Variants in WDR62 observed in about 807,000 individuals in gnomAD.
WDR62 encodes the protein WD repeat domain 62.
In WDR62, 112 loss-of-function variants were observed where a neutral mutation model predicts 160.6. That is an observed-to-expected ratio of 0.70 (90% confidence interval 0.60 to 0.82). WDR62 has a LOEUF of 0.82. Among genes scored for constraint, WDR62 ranks in the 40% least tolerant of loss-of-function variants. The pLI is 0.00. For missense variants in WDR62, 1,819 were observed against 1,983.8 expected (o/e 0.92, Z 1.58); for synonymous variants, 792 against 815.1 (o/e 0.97, Z 0.48).
rs1440043209 is a variant in WDR62 at position 36,054,969 on chromosome 19, A to G, written c.-3A>G. On this transcript the variant is annotated 5_prime_UTR_variant, in exon 1 of 32. Coordinates refer to ENST00000401500, the MANE Select transcript of WDR62 (RefSeq NM_001083961.2). The stretch of plus-strand genomic sequence containing the variant: ...GTAACGGTCGCCCGCCTCCGGCGTG[A>G]CGATGGCGGCCGTAGGGTCCGGAGG... 3.1e-6 allele frequency: 5 copies of G among 1,594,648 alleles called. No individual in the cohort carries two copies. Among genetic ancestry groups the G allele is most frequent in the Non-Finnish European group, 3.4e-6 (4 of 1,172,288 alleles).
intron 22 of WDR62, 75 bp downstream of exon 22, chr19:36,099,692 C>A: frequency 7.0e-7 from 1 of 1,434,970 alleles, no homozygotes; most frequent in Non-Finnish European, 9.7e-7. Context: ...CTTAGGCTGA[C>A]TCCCACTCCA....
At chr19:36,098,275 A>AG (rs1973097273) in intron 21 of WDR62, among the ~76,000 whole-genome samples, 1 of 151,998 alleles carries the variant, frequency 6.6e-6, no homozygotes, top group Non-Finnish European at 1.5e-5. Flanking sequence ...AAAAAAAAAA[A>AG]AGAAAAAGAG....
downstream of WDR62, among the ~76,000 whole-genome samples, chr19:36,107,587 G>C (rs1247720812): frequency 2.0e-5 from 3 of 151,812 alleles, no homozygotes; most frequent in Admixed American, 1.3e-4. Context: ...CTCTCCCAGG[G>C]GTCTCCCTGG....
At chr19:36,093,336 CACTT>C (rs905603897) in intron 19 of WDR62, among the ~76,000 whole-genome samples, 11 of 152,354 alleles carry the variant, frequency 7.2e-5, no homozygotes, top group East Asian at 3.9e-4. Flanking sequence ...GCTGTAGCTT[CACTT>C]ACTTCTTTGA....
At position 36,099,422 on chromosome 19, in the gene WDR62, T is replaced by C; in HGVS notation, c.2544T>C (p.Asp848=). The change falls in exon 22 of 32, where the codon GAT becomes GAC. Residue 848 remains aspartate, a synonymous_variant. Transcript: ENST00000401500. ...KRLLGDDDVA[D]GLAFHAKRSY... ...AGCTAGGGGACGATGATGTGGCAGA[T>C]GGCTTGGCCTTCCACGCCAAGCGCA... 6.2e-7 allele frequency: 1 copy of C among 1,613,658 alleles called. No homozygotes were observed. Among genetic ancestry groups the C allele is most frequent in the Middle Eastern group, 1.7e-4 (1 of 6,036 alleles).
intron 11 of WDR62, among the ~76,000 whole-genome samples, chr19:36,083,705 C>T (rs980800641): frequency 2.0e-5 from 3 of 152,002 alleles, no homozygotes; most frequent in Non-Finnish European, 4.4e-5. Flanking sequence ...GGGACATAGG[C>T]CCTGTTGCTG....
intron 8 of WDR62, 50 bp downstream of exon 8, chr19:36,071,766 C>A: frequency 6.3e-7 from 1 of 1,582,000 alleles, no homozygotes; most frequent in Non-Finnish European, 8.6e-7. Context: ...CAGAGTCTGT[C>A]CACTGGCATT....
At position 36,083,178 on chromosome 19, in the gene WDR62, G is replaced by A. The variant is rs760351175; in HGVS notation, c.1487G>A (p.Arg496Gln). 1.7e-5 allele frequency: 28 copies of A among 1,611,620 alleles called. No individual in the cohort carries two copies. The highest frequency in any genetic ancestry group is 2.2e-5 in the East Asian group (1 of 44,854). The change falls in exon 11 of 32, where the codon CGG becomes CAG. Residue 496 changes from arginine (R) to glutamine (Q), a missense_variant. Arg to Gln is a conservative substitution (Grantham distance 43). Transcript: ENST00000401500. Reference protein sequence around the residue: ...GTPMDVKAGVRVMQVSPDGQH... With the variant: ...GTPMDVKAGVQVMQVSPDGQH... ...CCCATGGACGTGAAAGCCGGGGTGC[G>A]GGTCATGCAGGTCAGTCCTGACGGC...
At chr19:36,107,361 A>C (rs1973734795), downstream of WDR62, among the ~76,000 whole-genome samples, 1 of 152,136 alleles carries the variant, frequency 6.6e-6, no homozygotes, top group Non-Finnish European at 1.5e-5. Context: ...CAGGAGCTAG[A>C]AGCTGCCCCG....
rs766014038 is a variant in WDR62, at chr19:36,094,018, T to C, written c.2334-13T>C. On this transcript the variant is annotated splice_polypyrimidine_tract_variant and intron_variant, in intron 19 of 31. Transcript: ENST00000401500. ...CTGTATTCTCTCCTTACCATCCTCA[T>C]TCCTGGCTTTAGGCAGGATACGTAT... is the stretch of plus-strand genomic sequence containing the variant. 25 of 1,613,398 alleles carry C rather than the reference T, an allele frequency of 1.5e-5. No individual in the cohort carries two copies. In the East Asian group the frequency reaches 5.6e-4, roughly 36 times the overall value.
the WDR62 span, among the ~76,000 whole-genome samples, chr19:36,110,749 T>C: frequency 6.6e-6 from 1 of 152,130 alleles, no homozygotes; most frequent in Non-Finnish European, 1.5e-5. Context: ...AGCAGGGCAA[T>C]CACAGCAGGG....
intron 24 of WDR62, 25 bp downstream of exon 24, chr19:36,101,342 C>G: frequency 6.3e-7 from 1 of 1,575,546 alleles, no homozygotes; most frequent in Non-Finnish European, 8.7e-7. Flanking sequence ...GGCAGGGACC[C>G]TGTGACAGTC....
intron 3 of WDR62, chr19:36,062,742 A>C (rs1970724844): frequency 6.6e-6 from 1 of 151,928 alleles, no homozygotes; most frequent in African/African-American, 2.4e-5. Flanking sequence ...TTAAACTGTA[A>C]TACATCCAGC....
chr19:36,106,267 G>A (rs984764003), downstream of WDR62, among the ~76,000 whole-genome samples: 6 of 151,674 alleles, frequency 4.0e-5, no homozygotes, highest in Admixed American at 4.0e-4. Flanking sequence ...TCAGGAGGTT[G>A]AGGCAGGAGA....
rs558732688 is a variant in WDR62 at position 36,083,410 on chromosome 19, G to A, written c.1550+169G>A. 9.2e-5 allele frequency among the ~76,000 whole-genome samples: 14 copies of A among 152,338 alleles called. No individual in the cohort carries two copies. In the South Asian group the frequency reaches 2.7e-3, roughly 29 times the overall value. The stretch of plus-strand genomic sequence containing the variant: ...CCATTGGGAACTTAAGCTCGTAAGA[G>A]GCTTCCAGAAGGGCTGAGAGCAGAG... On this transcript the variant is annotated intron_variant, in intron 11 of 31. Transcript: ENST00000401500.
intron 12 of WDR62, among the ~76,000 whole-genome samples, chr19:36,085,942 C>G (rs188594792): frequency 1.5e-3 from 233 of 152,180 alleles, no homozygotes; most frequent in African/African-American, 5.4e-3. Context: ...CTTGGCCTCC[C>G]AAAATGCTGG....
intron 20 of WDR62, among the ~76,000 whole-genome samples, chr19:36,094,814 A>G (rs1423245026): frequency 6.6e-6 from 1 of 152,040 alleles, no homozygotes; most frequent in African/African-American, 2.4e-5. Context: ...CAGGAGGATC[A>G]CTTGAGGCCA....
Position 36,083,134 on chromosome 19 carries a change from G to C in WDR62, c.1443G>C (p.Arg481=). 6.2e-7 allele frequency: 1 copy of C among 1,613,746 alleles called. No individual in the cohort carries two copies. Among genetic ancestry groups the C allele is most frequent in the Non-Finnish European group, 8.5e-7 (1 of 1,179,828 alleles). The change falls in exon 11 of 32, where the codon CGG becomes CGC. Residue 481 remains arginine (R), a synonymous_variant. Transcript: ENST00000401500. ...AGGACATGTCACACTTCCCAGACCGGGGGAGCGAGAATGGGACACCCATGG... is the reference window on the plus strand; with the variant it reads ...AGGACATGTCACACTTCCCAGACCGCGGGAGCGAGAATGGGACACCCATGG... ...HLQDMSHFPD[R]GSENGTPMDV...
At chr19:36,087,450 T>C (rs4372811) in intron 13 of WDR62, among the ~76,000 whole-genome samples, 149,501 of 150,998 alleles carry the variant, frequency 0.99, 74,019 homozygotes, top group Middle Eastern at 1. Flanking sequence ...GAGGTTGCAG[T>C]GAGCCAAGAT....
Sources: gnomAD v4.1 joint callset for allele counts (sites outside exome capture counted in the v4.1 genomes callset) on GRCh38, gnomAD v4.1.1 for gene constraint, MANE v1.5 for transcripts, NCBI Gene and HGNC (gene_info 2026-07-23, HGNC 2026-07-21) for gene names.